Variants in AGBL4 observed in about 807,000 individuals in gnomAD.
AGBL4 encodes AGBL carboxypeptidase 4.
In AGBL4, 58 loss-of-function variants were observed where a neutral mutation model predicts 66.4. The observed-to-expected ratio is 0.87, with a 90% CI of 0.71 to 1.09. AGBL4 has a LOEUF of 1.09. Among genes scored for constraint, AGBL4 ranks in the 50% least tolerant of loss-of-function variants. The pLI, the probability that AGBL4 is intolerant of heterozygous loss-of-function variation, is 0.00. For synonymous variants in AGBL4, 234 were observed against 222.9 expected, an observed-to-expected ratio of 1.05 and a Z score of -0.44; for missense variants, 579 against 631.0, an observed-to-expected ratio of 0.92 and a Z score of 0.88.
chr1:48,794,772 C>G (rs901661342), intron 6 of AGBL4, among the ~76,000 whole-genome samples: 3 of 152,188 alleles, frequency 2.0e-5, no homozygotes, highest in Admixed American at 2.0e-4. Context: ...TTACTGTAGG[C>G]CTTCTGGACT....
chr1:48,747,771 C>T (rs1557939243), intron 6 of AGBL4, among the ~76,000 whole-genome samples: 1 of 152,146 alleles, frequency 6.6e-6, no homozygotes, highest in African/African-American at 2.4e-5. Flanking sequence ...TGGACTAATG[C>T]TGTTCTTTCT....
Position 49,948,460 on chromosome 1 carries a change from G to GAATATATAAATATATAAATATAT in AGBL4, c.34+75302_34+75303insATATATTTATATATTTATATATT, listed in dbSNP as rs1655711526. ...AAATATATATAAATATATAAATATA[G>GAATATATAAATATATAAATATAT]ATAAATATATAAATATATAAATATA... On this transcript the variant is annotated intron_variant, in intron 1 of 13. Transcript: ENST00000371839. Among the ~76,000 whole-genome samples, 3 of 97,314 alleles carry GAATATATAAATATATAAATATAT rather than the reference G, an allele frequency of 3.1e-5. No homozygotes were observed. The South Asian group carries it at 9.6e-4, about 31-fold the overall frequency. 63.8% of individuals were successfully genotyped at this position (97,314 alleles called of 152,430 possible). A position where few individuals can be genotyped will look rare whatever the true frequency, so the allele number is the denominator to read the frequency against.
intron 2 of AGBL4, among the ~76,000 whole-genome samples, chr1:49,715,643 T>C (rs985589068): frequency 6.6e-6 from 1 of 151,994 alleles, no homozygotes; most frequent in Non-Finnish European, 1.5e-5. Context: ...CTTTTAATGA[T>C]CACCATTCTA....
chr1:49,822,955 T>C (rs954038256), intron 2 of AGBL4, among the ~76,000 whole-genome samples: 5 of 152,212 alleles, frequency 3.3e-5, no homozygotes, highest in Non-Finnish European at 7.3e-5. Flanking sequence ...ATTTCCAGTT[T>C]AAGGCTTTTA....
intron 3 of AGBL4, among the ~76,000 whole-genome samples, chr1:49,388,924 C>A (rs534913348): frequency 1.4e-4 from 22 of 152,136 alleles, no homozygotes; most frequent in Non-Finnish European, 2.5e-4. Context: ...TCCTGGGATA[C>A]AAATATGAAT....
intron 2 of AGBL4, among the ~76,000 whole-genome samples, chr1:49,808,628 G>C (rs986954495): frequency 6.6e-6 from 1 of 151,994 alleles, no homozygotes; most frequent in African/African-American, 2.4e-5. Context: ...TGAATTATCC[G>C]TTTAAGAATA....
intron 3 of AGBL4, among the ~76,000 whole-genome samples, chr1:49,556,793 G>C (rs1343346450): frequency 1.3e-5 from 2 of 152,190 alleles, no homozygotes; most frequent in East Asian, 2.0e-4. Flanking sequence ...TGCGGTGCAA[G>C]GGGTGGGCAT....
chr1:49,387,707 T>A (rs1362453789), intron 3 of AGBL4, among the ~76,000 whole-genome samples: 1 of 152,070 alleles, frequency 6.6e-6, no homozygotes, highest in East Asian at 1.9e-4. Context: ...CAATCCTAGT[T>A]ATATATTTAA....
chr1:48,899,168 G>A (rs1021373685), intron 5 of AGBL4, among the ~76,000 whole-genome samples: 4 of 152,222 alleles, frequency 2.6e-5, no homozygotes, highest in African/African-American at 9.6e-5. Context: ...GCCAGCCCGA[G>A]TGACGCCTGG....
intron 4 of AGBL4, among the ~76,000 whole-genome samples, chr1:49,114,904 A>G (rs1278141556): frequency 6.6e-6 from 1 of 152,212 alleles, no homozygotes; most frequent in African/African-American, 2.4e-5. Flanking sequence ...ATTACAAATC[A>G]CCATAGCAGA....
intron 2 of AGBL4, among the ~76,000 whole-genome samples, chr1:49,785,176 G>A (rs192265243): frequency 9.9e-5 from 15 of 152,086 alleles, no homozygotes; most frequent in Admixed American, 6.5e-4. Context: ...CTGGGGATGA[G>A]TGGGAAGGTG....
chr1:48,548,909 T>TC (rs1644207956), intron 11 of AGBL4, among the ~76,000 whole-genome samples: 2 of 152,246 alleles, frequency 1.3e-5, no homozygotes, highest in Non-Finnish European at 2.9e-5. Flanking sequence ...TGTTCATTTA[T>TC]ATATTCATAT....
At chr1:48,748,017 A>G (rs1469901862) in intron 6 of AGBL4, among the ~76,000 whole-genome samples, 2 of 152,166 alleles carry the variant, frequency 1.3e-5, no homozygotes, top group African/African-American at 2.4e-5. Flanking sequence ...TATTTTCTTC[A>G]TAAATGCATA....
chr1:48,643,469 C>T (rs1645789627), intron 8 of AGBL4, among the ~76,000 whole-genome samples: 1 of 152,144 alleles, frequency 6.6e-6, no homozygotes, highest in Non-Finnish European at 1.5e-5. Context: ...AGGACTCAAG[C>T]AGTAAGACTC....
chr1:48,666,691 C>G (rs1646193978), intron 6 of AGBL4, among the ~76,000 whole-genome samples: 2 of 152,208 alleles, frequency 1.3e-5, no homozygotes, highest in South Asian at 4.1e-4. Context: ...AGTGACTTGT[C>G]CTAGTTCTTA....
At chr1:48,613,708 T>C (rs1005833812) in intron 9 of AGBL4, among the ~76,000 whole-genome samples, 1 of 152,214 alleles carries the variant, frequency 6.6e-6, no homozygotes, top group Non-Finnish European at 1.5e-5. Flanking sequence ...GGGCCCTAGA[T>C]GAGGGATACA....
At chr1:49,656,446 A>G (rs1401009056) in intron 3 of AGBL4, among the ~76,000 whole-genome samples, 3 of 152,182 alleles carry the variant, frequency 2.0e-5, no homozygotes, top group Non-Finnish European at 4.4e-5. Context: ...AGCTGGTACC[A>G]TTCCTTCTGA....
rs113287823 is a variant in AGBL4 at position 49,496,856 on chromosome 1, T to G, written c.282+200457A>C. On this transcript the variant is annotated intron_variant, in intron 3 of 13. Coordinates refer to ENST00000371839, the MANE Select transcript of AGBL4 (RefSeq NM_032785.4). Reference sequence around the variant, plus strand: ...TGGGAGTGCAGATATCTCCCCAACATGTTGATTTCATTTCCTTTGGATATA... The same window carrying G: ...TGGGAGTGCAGATATCTCCCCAACAGGTTGATTTCATTTCCTTTGGATATA... 5.5e-3 allele frequency among the ~76,000 whole-genome samples: 835 copies of G among 152,102 alleles called. 9 individuals are homozygous for G. Among genetic ancestry groups the G allele is most frequent in the Non-Finnish European group, 7.0e-3 (474 of 67,952 alleles).
At chr1:49,044,611 C>T (rs765669998) in intron 5 of AGBL4, among the ~76,000 whole-genome samples, 2 of 152,122 alleles carry the variant, frequency 1.3e-5, no homozygotes, top group East Asian at 1.9e-4. Flanking sequence ...ACATAACAAA[C>T]GGGACTTCAC....
Sources: gnomAD v4.1 joint callset for allele counts (sites outside exome capture counted in the v4.1 genomes callset) on GRCh38, gnomAD v4.1.1 for gene constraint, MANE v1.5 for transcripts, NCBI Gene and HGNC (gene_info 2026-07-23, HGNC 2026-07-21) for gene names.